RGPD1: variants seen among roughly 807,000 people sequenced by gnomAD.
The protein encoded by RGPD1 is RANBP2-like and GRIP domain-containing protein 1.
Under a neutral mutation model 40.6 loss-of-function variants are expected in RGPD1, and 7 were observed. The observed-to-expected ratio is 0.17, with a 90% CI of 0.10 to 0.32. RGPD1 has a LOEUF of 0.32. RGPD1 is among the 10% of genes least tolerant of loss of function. The pLI, the probability that RGPD1 is intolerant of heterozygous loss-of-function variation, is 1.00. For missense variants in RGPD1, 50 were observed against 472.5 expected (o/e 0.11, Z 8.29); for synonymous variants, 24 against 167.0 (o/e 0.14, Z 6.60).
At chr2:86,928,501 G>A in intron 1 of RGPD1, among the ~76,000 whole-genome samples, 1 of 152,192 alleles carries the variant, frequency 6.6e-6, no homozygotes, top group East Asian at 1.9e-4. Flanking sequence ...GAGTAGTATG[G>A]TAAATGAGGT....
rs1053304411 is a variant in RGPD1, at chr2:86,944,410, AT to A, written c.72+2115del. On this transcript the variant is annotated intron_variant, in intron 1 of 22. Transcript: ENST00000641458. ...AATTAAAGACTTTAATTTTTGTGTT[AT>A]TTTTTTTTTTTTAGGTGGGGTCTCA... Among the ~76,000 whole-genome samples the A allele has an allele frequency of 5.6e-3, 809 of 143,536 alleles. 2 individuals are homozygous for A. Among genetic ancestry groups the A allele is most frequent in the Admixed American group, 0.02 (291 of 14,366 alleles). 94.2% of individuals were successfully genotyped at this position (143,536 alleles called of 152,430 possible).
intron 1 of RGPD1, among the ~76,000 whole-genome samples, chr2:86,942,574 G>T (rs1164358831): frequency 7.5e-6 from 1 of 132,664 alleles, no homozygotes; most frequent in Non-Finnish European, 1.6e-5. Flanking sequence ...GCCCGGCGGC[G>T]GCCTCGATGG....
At chr2:86,928,095 CAG>C (rs1247544928) in intron 1 of RGPD1, among the ~76,000 whole-genome samples, 1 of 131,760 alleles carries the variant, frequency 7.6e-6, no homozygotes, top group Non-Finnish European at 1.6e-5. Flanking sequence ...ACATGAAAAA[CAG>C]ATGTGTTCAA....
chr2:86,944,827 C>T (rs562536910), intron 1 of RGPD1, among the ~76,000 whole-genome samples: 1 of 152,208 alleles, frequency 6.6e-6, no homozygotes. Flanking sequence ...CCCACCTTAG[C>T]CTCCTGGGTA....
chr2:86,930,685 G>C, intron 1 of RGPD1: 4 of 1,608,958 alleles, frequency 2.5e-6, no homozygotes, highest in Non-Finnish European at 8.5e-7. Context: ...AGCTCTCGAA[G>C]CTGCTGTTGC....
At chr2:86,942,421 A>G in intron 1 of RGPD1, 113 bp downstream of exon 1, 2 of 1,153,698 alleles carry the variant, frequency 1.7e-6, no homozygotes, top group Non-Finnish European at 1.1e-6. Flanking sequence ...CTCAGGCGTC[A>G]TGGCTCCCGA....
At chr2:86,943,087 G>C (rs1018053403) in intron 1 of RGPD1, among the ~76,000 whole-genome samples, 1 of 151,558 alleles carries the variant, frequency 6.6e-6, no homozygotes, top group East Asian at 1.9e-4. Context: ...GAGGAACCCA[G>C]TGGGGACTGA....
At chr2:86,926,621 A>G (rs1678528926) in intron 1 of RGPD1, among the ~76,000 whole-genome samples, 1 of 150,744 alleles carries the variant, frequency 6.6e-6, no homozygotes, top group African/African-American at 2.4e-5. Context: ...CCCCCCATAT[A>G]GATTGAAAAC....
intron 1 of RGPD1, among the ~76,000 whole-genome samples, chr2:86,944,417 T>A (rs891439314): frequency 6.6e-6 from 1 of 152,072 alleles, no homozygotes; most frequent in African/African-American, 2.4e-5. Flanking sequence ...GTTATTTTTT[T>A]TTTTTTAGGT....
At chr2:86,930,183 C>T in intron 1 of RGPD1, 3 of 1,450,910 alleles carry the variant, frequency 2.1e-6, no homozygotes, top group Non-Finnish European at 2.8e-6. Context: ...ACTCACCCTC[C>T]TGATGAGGGA....
At chr2:86,915,248 A>G (rs1186696720) in intron 1 of RGPD1, among the ~76,000 whole-genome samples, 1 of 150,928 alleles carries the variant, frequency 6.6e-6, no homozygotes, top group Non-Finnish European at 1.5e-5. Flanking sequence ...GTGAGCCAAG[A>G]TCGTGCCACT....
At chr2:86,988,441 C>CAAAAAAAAAAAAAAAAAA (rs1174110236) in intron 20 of RGPD1, among the ~76,000 whole-genome samples, 6 of 33,234 alleles carry the variant, frequency 1.8e-4, no homozygotes, top group Admixed American at 3.2e-4. Context: ...ACTTTGTCTC[C>CAAAAAAAAAAAAAAAAAA]AAAAAAAAAA....
chr2:86,947,940 AAAAG>A (rs1265885706), intron 1 of RGPD1, among the ~76,000 whole-genome samples: 6 of 97,318 alleles, frequency 6.2e-5, no homozygotes, highest in Non-Finnish European at 1.1e-4. Flanking sequence ...GAATTAAAAA[AAAAG>A]AGAGAGAAAT....
At chr2:86,924,855 C>CTTAAGT (rs1678355914) in intron 1 of RGPD1, among the ~76,000 whole-genome samples, 1 of 151,032 alleles carries the variant, frequency 6.6e-6, no homozygotes, top group Non-Finnish European at 1.5e-5. Context: ...TGAAAATTCA[C>CTTAAGT]GCCTGTAATC....
chr2:86,920,154 C>G lies in RGPD1; in HGVS notation c.72+6233C>G, dbSNP rs1452122284. On this transcript the variant is annotated intron_variant, in intron 1 of 22. Transcript: ENST00000398193. Reference sequence around the variant, plus strand: ...GCGTTATCCTGGCTCATTACAACCTCTGCCTCCTAAGTTGAAGCGATTCTT... The same window carrying G: ...GCGTTATCCTGGCTCATTACAACCTGTGCCTCCTAAGTTGAAGCGATTCTT... Among the ~76,000 whole-genome samples the G allele has an allele frequency of 1.6e-4, 24 of 151,880 alleles. 1 individual carries two copies. Among genetic ancestry groups the G allele is most frequent in the Non-Finnish European group, 1.5e-5 (1 of 67,958 alleles).
intron 1 of RGPD1, among the ~76,000 whole-genome samples, chr2:86,918,453 CTTT>C (rs1160123598): frequency 0.02 from 1,524 of 77,916 alleles, 35 homozygotes; most frequent in Admixed American, 0.026. Flanking sequence ...CACACCAAAT[CTTT>C]TTTTTTTTTT....
chr2:86,941,017 G>A (rs548356664), upstream of RGPD1, among the ~76,000 whole-genome samples: 1 of 150,504 alleles, frequency 6.6e-6, no homozygotes, highest in Non-Finnish European at 1.5e-5. Flanking sequence ...TTTTAGAAAG[G>A]CAATACTTGT....
chr2:86,914,145 G>A (rs1186752919), intron 1 of RGPD1, among the ~76,000 whole-genome samples: 2 of 92,892 alleles, frequency 2.2e-5, no homozygotes, highest in African/African-American at 9.2e-5. Context: ...GGCGGCGGCG[G>A]CGGCGGCGGC....
At chr2:86,913,840 T>A (rs1428473324) in exon 1 of RGPD1, 1 of 1,573,032 alleles carries the variant, frequency 6.4e-7, no homozygotes, top group Admixed American at 1.7e-5. Context: ...GGAGCCAGGT[T>A]GGCGGTGCGA....
Sources: allele counts gnomAD v4.1 joint callset (sites outside exome capture counted in the v4.1 genomes callset), GRCh38; gene constraint gnomAD v4.1.1; transcripts MANE v1.5; gene names NCBI Gene and HGNC (gene_info 2026-07-23, HGNC 2026-07-21).